PIK3R4: variants seen among roughly 807,000 people sequenced by gnomAD.
PIK3R4 encodes the protein phosphoinositide-3-kinase regulatory subunit 4.
Under a neutral mutation model 136.5 loss-of-function variants are expected in PIK3R4, and 46 were observed. That is an observed-to-expected ratio of 0.34 (90% CI 0.27 to 0.43). PIK3R4 has a LOEUF of 0.43. Ranked by LOEUF, PIK3R4 falls within the 20% of genes least tolerant of loss-of-function variation. The probability of loss-of-function intolerance (pLI) is 1.00; values close to 1 mark genes in which losing one functional copy is unlikely to be tolerated. For missense variants in PIK3R4, 1,331 were observed against 1,649.5 expected, an observed-to-expected ratio of 0.81 and a Z score of 3.35; for synonymous variants, 557 against 566.7, an observed-to-expected ratio of 0.98 and a Z score of 0.24.
Position 130,705,705 on chromosome 3 carries a change from G to T in PIK3R4, c.2788C>A (p.Pro930Thr). Residue 930 changes from proline (P) to threonine (T), a missense_variant, in exon 12 of 20, where the codon CCA becomes ACA. Pro to Thr is a conservative substitution (Grantham distance 38, BLOSUM62 -1). Coordinates refer to ENST00000356763, the MANE Select transcript of PIK3R4 (RefSeq NM_014602.3). ...VIPVLSSTIL[P>T]STYQIRITTC... ...GTAATTCGAATCTGATAGGTGGATG[G>T]TAAGATTGTACTACTTAAAACCGGT... 2 of 1,611,838 alleles carry T rather than the reference G, an allele frequency of 1.2e-6. No homozygotes were observed. Among genetic ancestry groups the T allele is most frequent in the Non-Finnish European group, 1.7e-6 (2 of 1,177,982 alleles).
At chr3:130,694,339 G>A (rs1239561013) in intron 13 of PIK3R4, among the ~76,000 whole-genome samples, 1 of 151,214 alleles carries the variant, frequency 6.6e-6, no homozygotes, top group Non-Finnish European at 1.5e-5. Context: ...AAATTCCATA[G>A]AGATGGCATC....
chr3:130,714,050 CACTT>C (rs1157972176), intron 9 of PIK3R4, among the ~76,000 whole-genome samples: 1 of 152,164 alleles, frequency 6.6e-6, no homozygotes. Context: ...GCTGAAGAAA[CACTT>C]AGATTGAGAT....
chr3:130,705,601 CATCTGCT>C lies in PIK3R4; in HGVS notation c.2885_2891del (p.Lys962ArgfsTer22). On this transcript the variant is annotated frameshift_variant, in exon 12 of 20. Coordinates refer to ENST00000356763, the MANE Select transcript of PIK3R4 (RefSeq NM_014602.3). LOFTEE classifies it high-confidence loss of function. ...TACTCTCCCATTCAGCATTTTCCAT[CATCTGCT>C]TAGCTATTCTCTCAGCATTGCACTG... 6.2e-7 allele frequency: 1 copy of C among 1,613,794 alleles called. No individual in the cohort carries two copies. Among genetic ancestry groups the C allele is most frequent in the Non-Finnish European group, 8.5e-7 (1 of 1,179,700 alleles).
chr3:130,722,558 T>C (rs2066707828), intron 7 of PIK3R4, among the ~76,000 whole-genome samples: 1 of 152,124 alleles, frequency 6.6e-6, no homozygotes, highest in Non-Finnish European at 1.5e-5. Flanking sequence ...TATTTTGAAA[T>C]AACTAATTAG....
Position 130,724,340 on chromosome 3 carries a change from A to T in PIK3R4, c.1808-753T>A, listed in dbSNP as rs1576460793. On this transcript the variant is annotated intron_variant, in intron 6 of 19. Coordinates refer to ENST00000356763, the MANE Select transcript of PIK3R4 (RefSeq NM_014602.3). ...GTATTTAGTAACTAGAAGAGGGAGT[A>T]AAGTAGAATCCACTGGCCTTGCTAT... Among the ~76,000 whole-genome samples the T allele has an allele frequency of 2.6e-5, 4 of 152,168 alleles. No individual in the cohort carries two copies. The East Asian group carries it at 7.7e-4, about 29-fold the overall frequency.
At chr3:130,682,137 C>A (rs1450059650) in intron 16 of PIK3R4, among the ~76,000 whole-genome samples, 1 of 152,122 alleles carries the variant, frequency 6.6e-6, no homozygotes, top group Non-Finnish European at 1.5e-5. Flanking sequence ...GTGAATGGTA[C>A]CTTATGTGGC....
chr3:130,728,432 T>C, intron 6 of PIK3R4, 31 bp downstream of exon 6: 1 of 1,404,474 alleles, frequency 7.1e-7, no homozygotes, highest in Non-Finnish European at 9.9e-7. Context: ...TGATTAAAAA[T>C]CTTAAAGGAA....
intron 17 of PIK3R4, 106 bp downstream of exon 17, chr3:130,681,385 A>T: frequency 1.3e-6 from 1 of 777,944 alleles, no homozygotes; most frequent in Non-Finnish European, 2.2e-6. Context: ...ACCCAAATTT[A>T]AACATAACCC....
intron 13 of PIK3R4, among the ~76,000 whole-genome samples, chr3:130,702,509 T>C (rs1221121193): frequency 1.3e-5 from 2 of 152,232 alleles, no homozygotes; most frequent in Non-Finnish European, 2.9e-5. Flanking sequence ...AGATATTTTG[T>C]TGTTTGATGA....
intron 16 of PIK3R4, 82 bp from the exon 17 acceptor site, chr3:130,681,673 A>G: frequency 2.6e-6 from 2 of 757,966 alleles, no homozygotes; most frequent in Non-Finnish European, 4.5e-6. Context: ...CAGTCCTGAG[A>G]GAAAGAAAGA....
chr3:130,716,886 A>G (rs961776514), intron 8 of PIK3R4, among the ~76,000 whole-genome samples: 9 of 152,224 alleles, frequency 5.9e-5, no homozygotes, highest in African/African-American at 2.2e-4. Context: ...CTAGATCCCA[A>G]TATGTCAGAC....
At chr3:130,735,482 T>C (rs2107620343) in intron 3 of PIK3R4, among the ~76,000 whole-genome samples, 1 of 152,324 alleles carries the variant, frequency 6.6e-6, no homozygotes, top group Non-Finnish European at 1.5e-5. Context: ...TGTATTGCTG[T>C]ATTACATTCA....
Position 130,733,553 on chromosome 3 carries a change from T to A in PIK3R4, c.1445A>T (p.Tyr482Phe). 6.2e-7 allele frequency: 1 copy of A among 1,602,750 alleles called. No homozygotes were observed. Among genetic ancestry groups the A allele is most frequent in the Non-Finnish European group, 8.5e-7 (1 of 1,169,744 alleles). ...TTTGGACAATAAACTCTTACCAGCA[T>A]AGGCTAGTCTAACGATAGTAGCATC... is the stretch of plus-strand genomic sequence containing the variant. ...QDDATIVRLAYAENIALLAET... is the reference protein window; with the variant it reads ...QDDATIVRLAFAENIALLAET... Residue 482 changes from tyrosine (Y) to phenylalanine (F), a missense_variant, in exon 4 of 20, where the codon TAT becomes TTT. By Grantham distance (22) the Tyr-to-Phe change is conservative. Coordinates refer to ENST00000356763, the MANE Select transcript of PIK3R4 (RefSeq NM_014602.3).
At chr3:130,720,321 G>A (rs546148679) in intron 7 of PIK3R4, among the ~76,000 whole-genome samples, 4 of 151,902 alleles carry the variant, frequency 2.6e-5, no homozygotes, top group African/African-American at 7.3e-5. Flanking sequence ...CCAGCCTCCC[G>A]AGTAGCTAGG....
At chr3:130,690,462 T>C in intron 14 of PIK3R4, 28 bp downstream of exon 14, 1 of 1,569,862 alleles carries the variant, frequency 6.4e-7, no homozygotes, top group East Asian at 2.2e-5. Flanking sequence ...CTAAATACAA[T>C]GTTTAAGAAA....
At chr3:130,731,384 A>G (rs983034763) in intron 4 of PIK3R4, among the ~76,000 whole-genome samples, 2 of 129,042 alleles carry the variant, frequency 1.5e-5, no homozygotes, top group African/African-American at 7.3e-5. Context: ...AATCAAACAC[A>G]ATTATTCCCT....
chr3:130,711,210 A>AAC (rs141661613), intron 9 of PIK3R4, among the ~76,000 whole-genome samples: 44 of 150,936 alleles, frequency 2.9e-4, no homozygotes, highest in East Asian at 2.1e-3. Flanking sequence ...AACTGTACAA[A>AAC]ACACACACAC....
rs76867631 is a variant in PIK3R4 at position 130,738,454 on chromosome 3, G to A, written c.734-2452C>T. Among the ~76,000 whole-genome samples, 1,411 of 152,154 alleles carry A rather than the reference G, an allele frequency of 9.3e-3. 20 individuals are homozygous for A. The highest frequency in any genetic ancestry group is 0.053 in the East Asian group (274 of 5,180). On this transcript the variant is annotated intron_variant, in intron 2 of 19. Coordinates refer to ENST00000356763, the MANE Select transcript of PIK3R4 (RefSeq NM_014602.3). ...ACACCAACTGGATCTAACAGATATC[G>A]ACAGAACACTCCACCCAACAAAAGC...
Position 130,728,703 on chromosome 3 carries a change from G to C in PIK3R4, c.1586-19C>G. 1 of 904,218 alleles carries C rather than the reference G, an allele frequency of 1.1e-6. No individual in the cohort carries two copies. Among genetic ancestry groups the C allele is most frequent in the Non-Finnish European group, 1.6e-6 (1 of 637,782 alleles). The allele number at this position is 904,218 out of a possible 1,614,324, so 56.0% of individuals were successfully genotyped here. The stretch of plus-strand genomic sequence containing the variant: ...TGGAGCTCTAAAAAAAAAAAAAAAA[G>C]AAAGAAAGAAAGAAAGAAAAGAAAT... On this transcript the variant is annotated intron_variant, in intron 5 of 19. Coordinates refer to ENST00000356763, the MANE Select transcript of PIK3R4 (RefSeq NM_014602.3).
Sources: allele counts gnomAD v4.1 joint callset (sites outside exome capture counted in the v4.1 genomes callset), GRCh38; gene constraint gnomAD v4.1.1; transcripts MANE v1.5; gene names NCBI Gene and HGNC (gene_info 2026-07-23, HGNC 2026-07-21).